Variants in CACNA1A observed in about 807,000 individuals in gnomAD.
CACNA1A encodes calcium voltage-gated channel subunit alpha1 A.
Under a neutral mutation model 262.4 loss-of-function variants are expected in CACNA1A, and 57 were observed. The ratio of observed to expected loss-of-function variants is 0.22; its 90% CI spans 0.18 to 0.27. CACNA1A has a LOEUF of 0.27. CACNA1A is among the 10% of genes least tolerant of loss of function. The pLI is 1.00. For missense variants in CACNA1A, 2,526 were observed against 3,562.8 expected (o/e 0.71, Z 7.41); for synonymous variants, 1,431 against 1,419.3 (o/e 1.01, Z -0.18).
intron 5 of CACNA1A, chr19:13,365,072 T>C (rs2059183249): frequency 2.9e-6 from 1 of 339,810 alleles, no homozygotes; most frequent in Non-Finnish European, 5.4e-6. Flanking sequence ...ATTCCCCCGA[T>C]GGTGCTTCCT....
chr19:13,402,869 CACACATATATAT>C (rs1465292286), intron 3 of CACNA1A, among the ~76,000 whole-genome samples: 4 of 75,680 alleles, frequency 5.3e-5, no homozygotes, highest in South Asian at 5.2e-4. Context: ...CACACACACA[CACACATATATAT>C]ATATATATAT....
chr19:13,359,020 C>T (rs768598299), intron 6 of CACNA1A, among the ~76,000 whole-genome samples: 18 of 152,340 alleles, frequency 1.2e-4, no homozygotes, highest in African/African-American at 1.9e-4. Context: ...AGCCACCCCT[C>T]GGATGTCCTT....
At chr19:13,355,983 C>T (rs967855827) in intron 6 of CACNA1A, among the ~76,000 whole-genome samples, 2 of 152,204 alleles carry the variant, frequency 1.3e-5, no homozygotes, top group African/African-American at 4.8e-5. Context: ...GGGCGAGAAG[C>T]TGTGTTCTAG....
rs143900306 is a variant in CACNA1A at position 13,311,952 on chromosome 19, T to C, written c.1668+717A>G. ...CTGCCCTGGGCCAGGCATTCTCCAC[T>C]TATTTGCGAACAACCTTAATTTCAC... On this transcript the variant is annotated intron_variant, in intron 12 of 46. Coordinates refer to ENST00000360228, the MANE Select transcript of CACNA1A (RefSeq NM_001127222.2). 1.5e-3 allele frequency among the ~76,000 whole-genome samples: 225 copies of C among 152,350 alleles called. 4 individuals carry two copies. In the East Asian group the frequency reaches 0.041, roughly 28 times the overall value.
rs2054577980 is a variant in CACNA1A at position 13,206,646 on chromosome 19, ATTT to A, written c.*664_*666del. 1 of 151,578 alleles carries A rather than the reference ATTT, an allele frequency of 6.6e-6. No individual in the cohort carries two copies. The highest frequency in any genetic ancestry group is 6.8e-5 in the Admixed American group (1 of 14,804). 9.4% of individuals were successfully genotyped at this position (151,578 alleles called of 1,614,324 possible). A position where few individuals can be genotyped will look rare whatever the true frequency, so the allele number is the denominator to read the frequency against. ...AAAATGCCTCTTTTCTCAATCATTA[ATTT>A]TTTTGTCCTTTTTAAAATTGTTTAT... On this transcript the variant is annotated 3_prime_UTR_variant, in exon 47 of 47. Coordinates refer to ENST00000360228, the MANE Select transcript of CACNA1A (RefSeq NM_001127222.2).
intron 7 of CACNA1A, among the ~76,000 whole-genome samples, chr19:13,335,462 A>C (rs1002941993): frequency 9.9e-5 from 15 of 152,212 alleles, no homozygotes; most frequent in African/African-American, 3.4e-4. Context: ...TTAAGCCAAA[A>C]AAATCTTGGG....
rs1414038219 is a variant in CACNA1A, at chr19:13,359,805, A to G, written c.785-6T>C. Reference sequence around the variant, plus strand: ...AGACTCACCCTGAATGTCATCTACAAAAGGGAAGGGGAGAAAAGTCAGGGG... The same window carrying G: ...AGACTCACCCTGAATGTCATCTACAGAAGGGAAGGGGAGAAAAGTCAGGGG... On this transcript the variant is annotated splice_polypyrimidine_tract_variant and splice_region_variant and intron_variant, in intron 5 of 46. Transcript: ENST00000360228. 5 of 1,501,636 alleles carry G rather than the reference A, an allele frequency of 3.3e-6. No homozygotes were observed. In the African/African-American group the frequency reaches 5.5e-5, roughly 17 times the overall value. The allele number at this position is 1,501,636 out of a possible 1,614,324, so 93.0% of individuals were successfully genotyped here.
At chr19:13,388,240 CTCTTCT>C (rs751115654) in intron 3 of CACNA1A, among the ~76,000 whole-genome samples, 1 of 137,786 alleles carries the variant, frequency 7.3e-6, no homozygotes. Flanking sequence ...CGATTTCTTC[CTCTTCT>C]TTTTTTTTTT....
intron 3 of CACNA1A, among the ~76,000 whole-genome samples, chr19:13,372,511 A>G (rs1568582187): frequency 6.6e-6 from 1 of 152,172 alleles, no homozygotes; most frequent in East Asian, 1.9e-4. Flanking sequence ...AAAGTAGTTC[A>G]GTGTTAAGAG....
rs189439170 is a variant in CACNA1A, at chr19:13,430,492, C to T, written c.539+22384G>A. On this transcript the variant is annotated intron_variant, in intron 3 of 46. Transcript: ENST00000360228. ...AAGTGCTGGGATTACAGGCGTGAGC[C>T]ACCATTAGAACAATGAGACAAGCAG... is the stretch of plus-strand genomic sequence containing the variant. Among the ~76,000 whole-genome samples the T allele has an allele frequency of 5.0e-3, 755 of 152,284 alleles. 5 individuals are homozygous for T. Among genetic ancestry groups the T allele is most frequent in the Non-Finnish European group, 8.0e-3 (547 of 68,032 alleles).
In CACNA1A at chr19:13,413,094, T is replaced by G. The variant is rs1007077663; in HGVS notation, c.539+39782A>C. Among the ~76,000 whole-genome samples, 5 of 102,778 alleles carry G rather than the reference T, an allele frequency of 4.9e-5. 1 individual carries two copies. The highest frequency in any genetic ancestry group is 3.3e-4 in the African/African-American group (5 of 15,314). The allele number at this position is 102,778 out of a possible 152,430, so 67.4% of individuals were successfully genotyped here. A position where few individuals can be genotyped will look rare whatever the true frequency, so the allele number is the denominator to read the frequency against. ...AGCAAGAATCCATCTCTACAAAAAG[T>G]TTTTTGTTTTTTTTTTTTGTTTTTT... On this transcript the variant is annotated intron_variant, in intron 3 of 46. Coordinates refer to ENST00000360228, the MANE Select transcript of CACNA1A (RefSeq NM_001127222.2).
chr19:13,212,002 T>G lies in CACNA1A; in HGVS notation c.6303+101A>C, dbSNP rs2054828891. 4.2e-6 allele frequency: 3 copies of G among 716,678 alleles called. No individual in the cohort carries two copies. Among genetic ancestry groups the G allele is most frequent in the Non-Finnish European group, 6.7e-6 (3 of 449,140 alleles). 44.4% of individuals were successfully genotyped at this position (716,678 alleles called of 1,614,324 possible). ...GAAGGAGTCCCTACCCAGGCCTGAGTCCGGCAGGGAGGGGATGCACTGGGC... is the reference window on the plus strand; with the variant it reads ...GAAGGAGTCCCTACCCAGGCCTGAGGCCGGCAGGGAGGGGATGCACTGGGC... On this transcript the variant is annotated intron_variant, in intron 43 of 46. Coordinates refer to ENST00000360228, the MANE Select transcript of CACNA1A (RefSeq NM_001127222.2). The surrounding 1 kb of genome is among the most constrained non-coding windows in gnomAD (Gnocchi z 5.6).
chr19:13,331,346 C>T (rs2058465054), intron 9 of CACNA1A, among the ~76,000 whole-genome samples: 1 of 152,040 alleles, frequency 6.6e-6, no homozygotes, highest in South Asian at 2.1e-4. Context: ...AAGCAATTCT[C>T]GTAGTTTAGC....
At chr19:13,290,604 G>A (rs2057511458) in intron 19 of CACNA1A, among the ~76,000 whole-genome samples, 2 of 151,878 alleles carry the variant, frequency 1.3e-5, no homozygotes, top group Admixed American at 1.3e-4. Context: ...TAGAGACAGG[G>A]TCTCACTATG....
rs527643653 is a variant in CACNA1A at position 13,478,134 on chromosome 19, T to C, written c.294-22922A>G. ...TGTGTTTTATTTGGTTCTTCCGTAT[T>C]TTCACTCTGGAAGTCGACAGTTCTG... On this transcript the variant is annotated intron_variant, in intron 1 of 46. Coordinates refer to ENST00000360228, the MANE Select transcript of CACNA1A (RefSeq NM_001127222.2). 5.3e-5 allele frequency among the ~76,000 whole-genome samples: 8 copies of C among 152,242 alleles called. No individual in the cohort carries two copies. The South Asian group carries it at 1.7e-3, about 32-fold the overall frequency.
chr19:13,441,312 T>A (rs551001651), intron 3 of CACNA1A, among the ~76,000 whole-genome samples: 1 of 152,102 alleles, frequency 6.6e-6, no homozygotes, highest in African/African-American at 2.4e-5. Context: ...TAGAGATGCC[T>A]GCACAAGAAG....
At chr19:13,430,342 G>A (rs566761253) in intron 3 of CACNA1A, among the ~76,000 whole-genome samples, 5 of 152,188 alleles carry the variant, frequency 3.3e-5, no homozygotes, top group African/African-American at 9.6e-5. Context: ...GAGTAGCTAG[G>A]ACTACAGGCG....
chr19:13,387,502 C>G (rs566175969), intron 3 of CACNA1A, among the ~76,000 whole-genome samples: 5 of 152,088 alleles, frequency 3.3e-5, no homozygotes, highest in Non-Finnish European at 5.9e-5. Context: ...CTGGTTTTAC[C>G]CATTCTACCA....
intron 22 of CACNA1A, among the ~76,000 whole-genome samples, chr19:13,280,769 C>T (rs1262026677): frequency 3.3e-5 from 5 of 151,922 alleles, no homozygotes; most frequent in African/African-American, 7.2e-5. Flanking sequence ...TGTGAAACCC[C>T]GTCTCTACTA....
Sources: allele counts gnomAD v4.1 joint callset (sites outside exome capture counted in the v4.1 genomes callset), GRCh38; gene constraint gnomAD v4.1.1; non-coding constraint Gnocchi (gnomAD v3.1); transcripts MANE v1.5; gene names NCBI Gene and HGNC (gene_info 2026-07-23, HGNC 2026-07-21).